DOCK3: variants seen among roughly 807,000 people sequenced by gnomAD.
The protein encoded by DOCK3 is dedicator of cytokinesis protein 3.
DOCK3 carries 60 observed loss-of-function variants against 265.6 expected under a neutral mutation model. The ratio of observed to expected loss-of-function variants is 0.23; its 90% CI spans 0.18 to 0.28. The LOEUF is 0.28. DOCK3 is among the 10% of genes least tolerant of loss of function. The pLI is 1.00. For synonymous variants in DOCK3, 881 were observed against 938.0 expected (o/e 0.94, Z 1.11); for missense variants, 1,981 against 2,594.3 (o/e 0.76, Z 5.14).
At position 50,758,412 on chromosome 3, in the gene DOCK3, T is replaced by G. The variant is rs181054215; in HGVS notation, c.38-20263T>G. 7.9e-5 allele frequency among the ~76,000 whole-genome samples: 12 copies of G among 152,146 alleles called. No individual in the cohort carries two copies. The East Asian group carries it at 1.2e-3, about 15-fold the overall frequency. On this transcript the variant is annotated intron_variant, in intron 1 of 52. Coordinates refer to ENST00000266037, the MANE Select transcript of DOCK3 (RefSeq NM_004947.5). The stretch of plus-strand genomic sequence containing the variant: ...TTGTTTTGGATATTCTGGATCTCTG[T>G]ATCTCTGTTTTTTTATTGTGCTTAT...
At chr3:51,211,102 C>G (rs1380226757) in intron 13 of DOCK3, among the ~76,000 whole-genome samples, 1 of 152,108 alleles carries the variant, frequency 6.6e-6, no homozygotes, top group Non-Finnish European at 1.5e-5. Flanking sequence ...ATTTCCATAT[C>G]TTGGGCTGAC....
intron 1 of DOCK3, among the ~76,000 whole-genome samples, chr3:50,718,057 A>G (rs1379935805): frequency 1.3e-5 from 2 of 152,236 alleles, no homozygotes; most frequent in African/African-American, 4.8e-5. Flanking sequence ...CAGTGGTTAC[A>G]GATGAGGCCA....
intron 1 of DOCK3, among the ~76,000 whole-genome samples, chr3:50,709,053 C>T (rs1417915790): frequency 6.6e-6 from 1 of 152,190 alleles, no homozygotes; most frequent in Non-Finnish European, 1.5e-5. Flanking sequence ...TTTTCCTTGG[C>T]AACTGTGATA....
At chr3:50,679,878 G>C (rs184643304) in intron 1 of DOCK3, among the ~76,000 whole-genome samples, 1 of 152,196 alleles carries the variant, frequency 6.6e-6, no homozygotes, top group East Asian at 1.9e-4. Context: ...AGTGTTTATG[G>C]GGAACTTCCT....
At chr3:51,161,167 G>A (rs1039780637) in intron 12 of DOCK3, among the ~76,000 whole-genome samples, 7 of 150,792 alleles carry the variant, frequency 4.6e-5, no homozygotes, top group South Asian at 2.1e-4. Context: ...AAGATTGGCC[G>A]GGCACGGTGG....
At chr3:51,072,531 C>T (rs941293229) in intron 6 of DOCK3, among the ~76,000 whole-genome samples, 2 of 151,968 alleles carry the variant, frequency 1.3e-5, no homozygotes, top group African/African-American at 4.8e-5. Flanking sequence ...GCCTCAGCCT[C>T]CCAAGTAGCA....
intron 5 of DOCK3, among the ~76,000 whole-genome samples, chr3:51,046,137 C>CA (rs778081966): frequency 1.5e-4 from 23 of 152,068 alleles, no homozygotes; most frequent in Admixed American, 3.3e-4. Flanking sequence ...TATATCACTA[C>CA]AAAAAATCAT....
chr3:50,711,662 G>T lies in DOCK3; in HGVS notation c.37+36362G>T, dbSNP rs1029617121. Among the ~76,000 whole-genome samples the T allele has an allele frequency of 7.9e-5, 12 of 152,098 alleles. No individual in the cohort carries two copies. The East Asian group carries it at 2.1e-3, about 27-fold the overall frequency. On this transcript the variant is annotated intron_variant, in intron 1 of 52. Transcript: ENST00000266037. ...AGTTTTTGTTTGATGTCTTTGTCTTGTTCTGATATTAGGGTAATACTGGCC... is the reference window on the plus strand; with the variant it reads ...AGTTTTTGTTTGATGTCTTTGTCTTTTTCTGATATTAGGGTAATACTGGCC...
intron 6 of DOCK3, among the ~76,000 whole-genome samples, chr3:51,068,852 A>T (rs2081728151): frequency 6.6e-6 from 1 of 152,200 alleles, no homozygotes; most frequent in East Asian, 1.9e-4. Context: ...CCTGTGATGT[A>T]TATCTGAGTA....
chr3:51,178,100 A>G (rs1474187033), intron 12 of DOCK3, among the ~76,000 whole-genome samples: 1 of 152,180 alleles, frequency 6.6e-6, no homozygotes, highest in Non-Finnish European at 1.5e-5. Context: ...AGATTCACAA[A>G]GACTAAAAGT....
At chr3:51,271,116 C>A in intron 24 of DOCK3, 109 bp downstream of exon 24, 1 of 1,270,734 alleles carries the variant, frequency 7.9e-7, no homozygotes, top group Non-Finnish European at 1.1e-6. Context: ...AACGATTATG[C>A]AAGAAACCAG....
intron 4 of DOCK3, among the ~76,000 whole-genome samples, chr3:50,922,937 G>A (rs1302543830): frequency 2.6e-5 from 4 of 151,862 alleles, no homozygotes; most frequent in Non-Finnish European, 5.9e-5. Flanking sequence ...TTTTCCCCGA[G>A]TCCCCAAAGT....
chr3:50,947,451 C>T (rs560504663), intron 5 of DOCK3, among the ~76,000 whole-genome samples: 1 of 152,160 alleles, frequency 6.6e-6, no homozygotes, highest in Non-Finnish European at 1.5e-5. Context: ...AATAATTTAT[C>T]AGGGTTCTTA....
chr3:50,841,514 C>A (rs1471577963), intron 2 of DOCK3, among the ~76,000 whole-genome samples, 161 bp from the exon 3 acceptor site: 1 of 151,614 alleles, frequency 6.6e-6, no homozygotes, highest in Non-Finnish European at 1.5e-5. Flanking sequence ...TATGACTGTT[C>A]CTTTTGGAGT....
At chr3:51,165,219 G>T (rs769228379) in intron 12 of DOCK3, among the ~76,000 whole-genome samples, 1 of 152,152 alleles carries the variant, frequency 6.6e-6, no homozygotes, top group Non-Finnish European at 1.5e-5. Flanking sequence ...GAGCCACCAC[G>T]CCTGGCCAGG....
At position 51,201,964 on chromosome 3, in the gene DOCK3, T is replaced by C. The variant is rs1278668698; in HGVS notation, c.1038-6810T>C. The stretch of plus-strand genomic sequence containing the variant: ...ATGAAGGCAGAAATAAAGATGTTCT[T>C]TGAAACCAATGAGAACAAAGACACA... On this transcript the variant is annotated intron_variant, in intron 12 of 52. Coordinates refer to ENST00000266037, the MANE Select transcript of DOCK3 (RefSeq NM_004947.5). 4.6e-5 allele frequency among the ~76,000 whole-genome samples: 7 copies of C among 152,268 alleles called. 2 individuals carry two copies. The highest frequency in any genetic ancestry group is 1.7e-4 in the African/African-American group (7 of 41,538).
chr3:50,845,442 AG>A (rs1293960843), intron 3 of DOCK3, among the ~76,000 whole-genome samples: 1 of 152,230 alleles, frequency 6.6e-6, no homozygotes, highest in African/African-American at 2.4e-5. Flanking sequence ...TCTGTGAGAT[AG>A]GAACAGGGCC....
chr3:50,911,242 G>A (rs1340385955), intron 4 of DOCK3, among the ~76,000 whole-genome samples: 1 of 152,006 alleles, frequency 6.6e-6, no homozygotes, highest in Non-Finnish European at 1.5e-5. Flanking sequence ...CCAGACAAAT[G>A]TGCTGAGAAT....
At chr3:50,804,415 C>T (rs1022624758) in intron 2 of DOCK3, among the ~76,000 whole-genome samples, 4 of 152,050 alleles carry the variant, frequency 2.6e-5, no homozygotes, top group Admixed American at 6.5e-5. Flanking sequence ...TGTAGCGAGC[C>T]GAGATCACGT....
Sources: allele counts gnomAD v4.1 joint callset (sites outside exome capture counted in the v4.1 genomes callset), GRCh38; gene constraint gnomAD v4.1.1; transcripts MANE v1.5; gene names NCBI Gene and HGNC (gene_info 2026-07-23, HGNC 2026-07-21).